Variants in NELL1 observed in about 807,000 individuals in gnomAD.
The protein encoded by NELL1 is neural EGFL like 1.
Under a neutral mutation model 107.4 loss-of-function variants are expected in NELL1, and 76 were observed. The observed-to-expected ratio is 0.71, with a 90% CI of 0.59 to 0.86. The LOEUF (loss-of-function observed/expected upper bound fraction) is 0.86, where lower values mean the gene tolerates loss of function less well. NELL1 is among the 40% of genes least tolerant of loss of function. The pLI is 0.00. For synonymous variants in NELL1, 353 were observed against 341.2 expected, an observed-to-expected ratio of 1.03 and a Z score of -0.38; for missense variants, 1,024 against 1,005.5, an observed-to-expected ratio of 1.02 and a Z score of -0.25.
At chr11:20,703,850 T>C (rs1854865029) in intron 2 of NELL1, among the ~76,000 whole-genome samples, 1 of 152,236 alleles carries the variant, frequency 6.6e-6, no homozygotes, top group South Asian at 2.1e-4. Context: ...CTAGTTTGAT[T>C]GCACTGTGGT....
At chr11:20,802,852 G>C (rs1857306557) in intron 3 of NELL1, among the ~76,000 whole-genome samples, 1 of 152,084 alleles carries the variant, frequency 6.6e-6, no homozygotes, top group Non-Finnish European at 1.5e-5. Context: ...TCATTCTGTT[G>C]ATATGATGTA....
chr11:21,434,324 G>A (rs909529134), intron 15 of NELL1, among the ~76,000 whole-genome samples: 3 of 152,008 alleles, frequency 2.0e-5, no homozygotes. Context: ...ATAGTTTCAG[G>A]TTTTACATTT....
chr11:21,059,296 A>G (rs1853682205), intron 12 of NELL1, among the ~76,000 whole-genome samples: 1 of 150,252 alleles, frequency 6.7e-6, no homozygotes, highest in South Asian at 2.1e-4. Context: ...GTATCTGCAG[A>G]TAAAAAATGT....
At chr11:21,309,286 A>ATATATATATATATG (rs1169710791) in intron 14 of NELL1, among the ~76,000 whole-genome samples, 1 of 109,206 alleles carries the variant, frequency 9.2e-6, no homozygotes, top group Non-Finnish European at 1.8e-5. Context: ...ATATGTATAT[A>ATATATATATATATG]TATATATATA....
intron 3 of NELL1, among the ~76,000 whole-genome samples, 165 bp from the exon 4 acceptor site, chr11:20,847,396 CACGAGGGTTCTCAGACAATAGA>C (rs1206391854): frequency 6.6e-6 from 1 of 152,102 alleles, no homozygotes; most frequent in Non-Finnish European, 1.5e-5. Context: ...AAGATGTTGC[CACGAGGGTTCTCAGACAATAGA>C]TTCATTGGGT....
chr11:21,374,921 GTGTGTGTA>G (rs750861549), intron 15 of NELL1, among the ~76,000 whole-genome samples: 15 of 143,872 alleles, frequency 1.0e-4, no homozygotes, highest in African/African-American at 3.0e-4. Context: ...GTGTGTGTGT[GTGTGTGTA>G]TGGTCTTCTG....
At chr11:21,168,056 A>T (rs1466576827) in intron 13 of NELL1, among the ~76,000 whole-genome samples, 1 of 151,562 alleles carries the variant, frequency 6.6e-6, no homozygotes, top group Non-Finnish European at 1.5e-5. Flanking sequence ...TGGTGGGGGG[A>T]GATCATGTCA....
At position 21,565,111 on chromosome 11, in the gene NELL1, C is replaced by CCTT. The variant is rs151052131; in HGVS notation, c.1980+4730_1980+4732dup. On this transcript the variant is annotated intron_variant, in intron 17 of 19. Coordinates refer to ENST00000357134, the MANE Select transcript of NELL1 (RefSeq NM_006157.5). ...GCAAACTGCTCATAAAAATGCTTTG[C>CCTT]CTTGCTCTTTGAACCCAACTAGCAG... Among the ~76,000 whole-genome samples the CCTT allele has an allele frequency of 3.0e-3, 458 of 151,690 alleles. 1 individual carries two copies. Among genetic ancestry groups the CCTT allele is most frequent in the Non-Finnish European group, 4.8e-3 (329 of 67,918 alleles).
At chr11:20,971,889 G>A (rs1457115079) in intron 12 of NELL1, among the ~76,000 whole-genome samples, 3 of 152,102 alleles carry the variant, frequency 2.0e-5, no homozygotes, top group African/African-American at 4.8e-5. Context: ...CATGGATGAA[G>A]CTGGAAGCCA....
intron 5 of NELL1, among the ~76,000 whole-genome samples, chr11:20,890,049 G>A (rs568737560): frequency 6.6e-5 from 10 of 152,278 alleles, no homozygotes; most frequent in African/African-American, 2.2e-4. Flanking sequence ...ACCCAACTGA[G>A]TGAGACCCTC....
At chr11:21,288,240 A>G (rs1178814186) in intron 14 of NELL1, among the ~76,000 whole-genome samples, 2 of 152,190 alleles carry the variant, frequency 1.3e-5, no homozygotes, top group Non-Finnish European at 2.9e-5. Flanking sequence ...GTCTGACTTC[A>G]GTCTATGAAA....
intron 12 of NELL1, among the ~76,000 whole-genome samples, chr11:21,081,997 C>T (rs1421721167): frequency 6.6e-6 from 1 of 152,132 alleles, no homozygotes; most frequent in Non-Finnish European, 1.5e-5. Flanking sequence ...TGAAACACTA[C>T]GCCATACTCT....
rs200560485 is a variant in NELL1 at position 21,309,276 on chromosome 11, ATATG to A, written c.1550-61573_1550-61570del. 1.3e-3 allele frequency among the ~76,000 whole-genome samples: 20 copies of A among 15,746 alleles called. 1 individual carries two copies. The highest frequency in any genetic ancestry group is 0.012 in the South Asian group (6 of 506). The allele number at this position is 15,746 out of a possible 152,430, so 10.3% of individuals were successfully genotyped here. A position where few individuals can be genotyped will look rare whatever the true frequency, so the allele number is the denominator to read the frequency against. On this transcript the variant is annotated intron_variant, in intron 14 of 19. Transcript: ENST00000357134. ...TATATATATGTATATATATATATAT[ATATG>A]TATATATATATATATATATGTATAT... is the stretch of plus-strand genomic sequence containing the variant.
rs535028631 is a variant in NELL1 at position 20,826,867 on chromosome 11, T to C, written c.336-20716T>C. ...AGACTGGACGTCAGTAGAGAGATTA[T>C]ATTTAGCTGAGTTGAAGGGAAGGGA... On this transcript the variant is annotated intron_variant, in intron 3 of 19. Transcript: ENST00000357134. 7.3e-5 allele frequency among the ~76,000 whole-genome samples: 11 copies of C among 151,318 alleles called. No individual in the cohort carries two copies. The East Asian group carries it at 1.9e-3, about 27-fold the overall frequency.
At chr11:21,495,409 T>A (rs1280237040) in intron 15 of NELL1, among the ~76,000 whole-genome samples, 1 of 152,276 alleles carries the variant, frequency 6.6e-6, no homozygotes, top group East Asian at 1.9e-4. Context: ...GTCATCAGTT[T>A]ATAGACATTA....
intron 15 of NELL1, among the ~76,000 whole-genome samples, chr11:21,479,535 G>T (rs1265017034): frequency 3.3e-5 from 5 of 152,074 alleles, no homozygotes; most frequent in Admixed American, 6.6e-5. Context: ...GTTACCAGGG[G>T]CTGGGAAAGG....
intron 16 of NELL1, among the ~76,000 whole-genome samples, chr11:21,535,134 T>C (rs910069417): frequency 6.6e-6 from 1 of 152,206 alleles, no homozygotes; most frequent in African/African-American, 2.4e-5. Flanking sequence ...TTATTGGGTC[T>C]CTTCTTGTGG....
At chr11:21,353,622 G>A (rs774303568) in intron 14 of NELL1, among the ~76,000 whole-genome samples, 28 of 152,136 alleles carry the variant, frequency 1.8e-4, no homozygotes, top group Non-Finnish European at 2.8e-4. Flanking sequence ...CAGTGCCAGC[G>A]GCTGTGTGCA....
rs1275856937 is a variant in NELL1 at position 21,570,946 on chromosome 11, T to C, written c.2157+6T>C. On this transcript the variant is annotated splice_donor_region_variant and intron_variant, in intron 18 of 19. Coordinates refer to ENST00000357134, the MANE Select transcript of NELL1 (RefSeq NM_006157.5). ...GTCAGCAGTGTCGGTGTCTGGTATG[T>C]TGGCTTCCTTTATAAGGTGTTGAGC... The C allele has an allele frequency of 6.2e-7, 1 of 1,609,922 alleles. No homozygotes were observed. The highest frequency in any genetic ancestry group is 1.3e-5 in the African/African-American group (1 of 74,676).
Sources: allele counts gnomAD v4.1 joint callset (sites outside exome capture counted in the v4.1 genomes callset), GRCh38; gene constraint gnomAD v4.1.1; transcripts MANE v1.5; gene names NCBI Gene and HGNC (gene_info 2026-07-23, HGNC 2026-07-21).